Variants in AKAP19 observed in about 807,000 individuals in gnomAD.
The protein encoded by AKAP19 is A-kinase anchoring protein 19, also known as small A-kinase anchoring protein.
the AKAP19 span, among the ~76,000 whole-genome samples, chr2:189,900,519 C>A: frequency 6.6e-6 from 1 of 151,994 alleles, no homozygotes; most frequent in Non-Finnish European, 1.5e-5. Flanking sequence ...ATATGCATTT[C>A]TTTGATTACT....
the AKAP19 span, among the ~76,000 whole-genome samples, chr2:189,983,580 G>T: frequency 1.3e-5 from 2 of 152,326 alleles, no homozygotes; most frequent in South Asian, 4.1e-4. Context: ...TCTGTTCCCA[G>T]GCATAGGTGC....
chr2:189,949,306 C>T, the AKAP19 span, among the ~76,000 whole-genome samples: 1 of 152,090 alleles, frequency 6.6e-6, no homozygotes, highest in Admixed American at 6.5e-5. Context: ...GTAATCCCAG[C>T]ACTTTGGGAG....
the AKAP19 span, among the ~76,000 whole-genome samples, chr2:190,001,149 C>T: frequency 6.6e-6 from 1 of 152,154 alleles, no homozygotes; most frequent in Non-Finnish European, 1.5e-5. Context: ...TCAACTCTAA[C>T]ATTTTTATTT....
chr2:190,103,406 G>A, the AKAP19 span, among the ~76,000 whole-genome samples: 2 of 152,206 alleles, frequency 1.3e-5, no homozygotes, highest in South Asian at 2.1e-4. Flanking sequence ...ACTATCTCTT[G>A]TTGCTGACCA....
the AKAP19 span, among the ~76,000 whole-genome samples, chr2:189,966,862 A>G: frequency 6.6e-6 from 1 of 152,236 alleles, no homozygotes; most frequent in African/African-American, 2.4e-5. Flanking sequence ...TTCAATTAAA[A>G]GGATAGCCAA....
the AKAP19 span, among the ~76,000 whole-genome samples, chr2:190,145,810 G>A: frequency 1.5e-5 from 2 of 137,616 alleles, no homozygotes; most frequent in Non-Finnish European, 3.1e-5. Flanking sequence ...TGTATATATA[G>A]TGGGTGTAAT....
At chr2:189,930,691 A>T in the AKAP19 span, 2 of 459,864 alleles carry the variant, frequency 4.3e-6, no homozygotes, top group South Asian at 2.9e-5. Flanking sequence ...AAAAAAAAAA[A>T]GAAATTGAAT....
chr2:190,122,588 A>G, the AKAP19 span, among the ~76,000 whole-genome samples: 1 of 152,146 alleles, frequency 6.6e-6, no homozygotes, highest in South Asian at 2.1e-4. Context: ...TAAGTTTTTC[A>G]TGTGAGAGGA....
At chr2:190,072,805 C>T in the AKAP19 span, among the ~76,000 whole-genome samples, 1 of 152,116 alleles carries the variant, frequency 6.6e-6, no homozygotes, top group Non-Finnish European at 1.5e-5. Flanking sequence ...TACAAAATAA[C>T]AGCTAAAACG....
chr2:189,908,426 G>A, the AKAP19 span, among the ~76,000 whole-genome samples: 5 of 151,952 alleles, frequency 3.3e-5, no homozygotes, highest in Middle Eastern at 3.2e-3. Context: ...TGAACTCCTG[G>A]CCTCAAGTGA....
At chr2:190,024,704 C>T in the AKAP19 span, among the ~76,000 whole-genome samples, 1 of 152,098 alleles carries the variant, frequency 6.6e-6, no homozygotes, top group Non-Finnish European at 1.5e-5. Context: ...AACTGTAAGC[C>T]TCCAAGGCAG....
chr2:190,197,560 T>C, the AKAP19 span, among the ~76,000 whole-genome samples: 1 of 152,182 alleles, frequency 6.6e-6, no homozygotes, highest in Non-Finnish European at 1.5e-5. The surrounding 1 kb of genome is among the most constrained non-coding windows in gnomAD (Gnocchi z 4.0). Context: ...CTCTGTTGCA[T>C]CAGAGTTGCC....
chr2:189,914,401 A>G, the AKAP19 span, among the ~76,000 whole-genome samples: 1 of 152,066 alleles, frequency 6.6e-6, no homozygotes. Context: ...AGGATAAACA[A>G]TTTAAAAATT....
the AKAP19 span, among the ~76,000 whole-genome samples, chr2:189,899,727 A>G: frequency 6.6e-6 from 1 of 151,582 alleles, no homozygotes; most frequent in Non-Finnish European, 1.5e-5. Flanking sequence ...TTTTTTCCTC[A>G]TAGATTACCC....
chr2:189,923,992 G>C, the AKAP19 span: 5 of 1,598,272 alleles, frequency 3.1e-6, no homozygotes, highest in South Asian at 4.4e-5. Context: ...ACAATGTTAA[G>C]TCAGAAGAGG....
the AKAP19 span, among the ~76,000 whole-genome samples, chr2:190,185,413 T>G: frequency 6.6e-6 from 1 of 152,200 alleles, no homozygotes; most frequent in Non-Finnish European, 1.5e-5. Flanking sequence ...ATTTGGGGCT[T>G]ATCTACCAAC....
the AKAP19 span, among the ~76,000 whole-genome samples, chr2:190,194,822 A>G: frequency 6.6e-6 from 1 of 152,022 alleles, no homozygotes; most frequent in African/African-American, 2.4e-5. Context: ...CTTAGTAATA[A>G]GTATTTGAGG....
the AKAP19 span, among the ~76,000 whole-genome samples, chr2:189,956,880 G>A: frequency 6.6e-6 from 1 of 152,200 alleles, no homozygotes. Context: ...ACCTCACCTG[G>A]CCAGTGTTAA....
chr2:189,990,511 G>A, the AKAP19 span, among the ~76,000 whole-genome samples: 1 of 151,992 alleles, frequency 6.6e-6, no homozygotes, highest in Non-Finnish European at 1.5e-5. Flanking sequence ...CTCTTTATGT[G>A]TTGTTGGATT....
Sources: gnomAD v4.1 joint callset for allele counts (sites outside exome capture counted in the v4.1 genomes callset) on GRCh38, gnomAD v4.1.1 for gene constraint, Gnocchi (gnomAD v3.1) non-coding constraint, MANE v1.5 for transcripts, NCBI Gene and HGNC (gene_info 2026-07-23, HGNC 2026-07-21) for gene names.